The following SMARCC1 variants were observed in gnomAD, a reference collection of about 807,000 sequenced individuals.
SMARCC1 encodes the protein SWI/SNF related BAF chromatin remodeling complex subunit C1.
SMARCC1 carries 43 observed loss-of-function variants against 147.4 expected under a neutral mutation model. The observed-to-expected ratio is 0.29, with a 90% CI of 0.23 to 0.38. The LOEUF is 0.38. Ranked by LOEUF, SMARCC1 falls within the 10% of genes least tolerant of loss-of-function variation. The probability of loss-of-function intolerance (pLI) is 1.00; values close to 1 mark genes in which losing one functional copy is unlikely to be tolerated. For missense variants in SMARCC1, 1,119 were observed against 1,381.1 expected (o/e 0.81, Z 3.01); for synonymous variants, 495 against 484.4 (o/e 1.02, Z -0.29).
At chr3:47,777,791 G>A (rs2034993299) in intron 1 of SMARCC1, among the ~76,000 whole-genome samples, 1 of 151,972 alleles carries the variant, frequency 6.6e-6, no homozygotes, top group African/African-American at 2.4e-5. Context: ...GTCTCCCAAG[G>A]TGCTGGGATT....
At chr3:47,682,854 G>T (rs1010856092) in intron 14 of SMARCC1, among the ~76,000 whole-genome samples, 1 of 152,146 alleles carries the variant, frequency 6.6e-6, no homozygotes, top group Non-Finnish European at 1.5e-5. Context: ...GCAAAATTGT[G>T]AATGTTTAAA....
At chr3:47,618,479 T>C (rs771213568) in intron 25 of SMARCC1, among the ~76,000 whole-genome samples, 33 of 151,910 alleles carry the variant, frequency 2.2e-4, no homozygotes, top group African/African-American at 4.3e-4. Flanking sequence ...CCCCAGGAGT[T>C]TGTGGCTGCA....
intron 1 of SMARCC1, among the ~76,000 whole-genome samples, chr3:47,776,486 T>C (rs2034976767): frequency 6.6e-6 from 1 of 151,502 alleles, no homozygotes; most frequent in Non-Finnish European, 1.5e-5. Flanking sequence ...CACCTGTAAT[T>C]CCAGCTACTC....
At chr3:47,692,543 ATAT>A (rs2033802554) in intron 12 of SMARCC1, among the ~76,000 whole-genome samples, 1 of 152,338 alleles carries the variant, frequency 6.6e-6, no homozygotes, top group African/African-American at 2.4e-5. Context: ...TTATTCAATT[ATAT>A]TATTACCACC....
chr3:47,699,428 G>A (rs765509459), intron 11 of SMARCC1, among the ~76,000 whole-genome samples: 14 of 151,956 alleles, frequency 9.2e-5, no homozygotes, highest in Admixed American at 1.3e-4. Flanking sequence ...TTTAGCCTTC[G>A]ACCAGACAAC....
intron 10 of SMARCC1, among the ~76,000 whole-genome samples, chr3:47,702,566 G>A (rs1260436288): frequency 1.3e-5 from 2 of 152,084 alleles, no homozygotes; most frequent in African/African-American, 4.8e-5. Flanking sequence ...GACCAGCCTC[G>A]GAAACAGGGC....
chr3:47,635,989 C>T (rs900011226), intron 23 of SMARCC1, 33 bp downstream of exon 23: 1 of 1,022,814 alleles, frequency 9.8e-7, no homozygotes, highest in Non-Finnish European at 1.5e-6. Context: ...TACAGTTTTA[C>T]ATAATAATAT....
intron 26 of SMARCC1, among the ~76,000 whole-genome samples, chr3:47,609,784 G>A (rs983550742): frequency 2.0e-5 from 3 of 151,860 alleles, no homozygotes; most frequent in African/African-American, 4.8e-5. Flanking sequence ...TTTTTTTTAC[G>A]GTATCAATAA....
chr3:47,700,389 G>C (rs1198054888), intron 11 of SMARCC1, among the ~76,000 whole-genome samples: 1 of 152,100 alleles, frequency 6.6e-6, no homozygotes, highest in African/African-American at 2.4e-5. Flanking sequence ...GCCTATCATA[G>C]GTCTTTACTT....
rs775759680 is a variant in SMARCC1, at chr3:47,671,173, C to CAA, written c.1840-458_1840-457dup. ...CCTGGGCAACAGAGCGAGACTATCT[C>CAA]AAAAAAAAAAAAAAAAAAAAAAAAA... On this transcript the variant is annotated intron_variant, in intron 18 of 27. Transcript: ENST00000254480. Among the ~76,000 whole-genome samples, 186 of 29,206 alleles carry CAA rather than the reference C, an allele frequency of 6.4e-3. 10 individuals are homozygous for CAA. Among genetic ancestry groups the CAA allele is most frequent in the African/African-American group, 0.021 (126 of 6,080 alleles). 19.2% of individuals were successfully genotyped at this position (29,206 alleles called of 152,430 possible).
chr3:47,626,409 G>A (rs1315650705), intron 24 of SMARCC1, among the ~76,000 whole-genome samples: 5 of 144,204 alleles, frequency 3.5e-5, no homozygotes, highest in East Asian at 2.0e-4. Flanking sequence ...GCCTCCCAAA[G>A]TGATGGGATT....
intron 11 of SMARCC1, among the ~76,000 whole-genome samples, chr3:47,696,987 G>C (rs143080507): frequency 1.3e-5 from 2 of 152,168 alleles, no homozygotes; most frequent in East Asian, 3.9e-4. Context: ...GAATAGCTAG[G>C]ACTACAGGGA....
chr3:47,770,960 G>A lies in SMARCC1; in HGVS notation c.315+1857C>T, dbSNP rs185185946. 6.2e-3 allele frequency among the ~76,000 whole-genome samples: 937 copies of A among 151,956 alleles called. 5 individuals carry two copies. The highest frequency in any genetic ancestry group is 0.017 in the South Asian group (80 of 4,774). On this transcript the variant is annotated intron_variant, in intron 2 of 27. Transcript: ENST00000254480. Reference sequence around the variant, plus strand: ...GGAGTCTCACTCTGTCGCCCAGGCCGGAGGCAGTGGCGCAATCTCGGCTCA... The same window carrying A: ...GGAGTCTCACTCTGTCGCCCAGGCCAGAGGCAGTGGCGCAATCTCGGCTCA...
At chr3:47,737,955 G>C in intron 4 of SMARCC1, 74 bp downstream of exon 4, 1 of 1,066,528 alleles carries the variant, frequency 9.4e-7, no homozygotes, top group South Asian at 1.5e-5. Context: ...GAGCCACCGC[G>C]CCTGGCCAGC....
At chr3:47,618,345 C>T (rs2032675841) in intron 25 of SMARCC1, among the ~76,000 whole-genome samples, 1 of 151,322 alleles carries the variant, frequency 6.6e-6, no homozygotes, top group African/African-American at 2.4e-5. Context: ...AGTTTGAGAC[C>T]AGCCTGGGCA....
intron 2 of SMARCC1, among the ~76,000 whole-genome samples, chr3:47,769,210 CAAA>C (rs1553692338): frequency 5.1e-4 from 17 of 33,100 alleles, no homozygotes; most frequent in Non-Finnish European, 8.4e-4. Flanking sequence ...GACTCCGTCT[CAAA>C]AAAAAAAAAA....
At chr3:47,754,024 T>C (rs2034659876) in intron 2 of SMARCC1, among the ~76,000 whole-genome samples, 1 of 152,312 alleles carries the variant, frequency 6.6e-6, no homozygotes, top group Admixed American at 6.5e-5. Context: ...CATTTACTTA[T>C]CTATTAAACT....
In SMARCC1 at chr3:47,680,480, G is replaced by A. The variant is rs1418072354; in HGVS notation, c.1414C>T (p.Pro472Ser). Residue 472 changes from proline to serine, a missense_variant, in exon 15 of 28, where the codon CCT becomes TCT. Physicochemically the swap from Pro to Ser is moderately conservative, Grantham distance 74. Transcript: ENST00000254480. Reference protein sequence around the residue: ...CIHVIERRALPEFFNGKNKSK... With the variant: ...CIHVIERRALSEFFNGKNKSK... ...TTGTTTTTTCCATTGAAGAACTCAG[G>A]AAGAGCACGCCGTTCAATCACATGA... is the stretch of plus-strand genomic sequence containing the variant. 1 of 1,605,788 alleles carries A rather than the reference G, an allele frequency of 6.2e-7. No homozygotes were observed. The highest frequency in any genetic ancestry group is 1.1e-5 in the South Asian group (1 of 90,832).
rs1198171917 is a variant in SMARCC1, at chr3:47,772,810, T to A, written c.315+7A>T. On this transcript the variant is annotated splice_region_variant and intron_variant, in intron 2 of 27. Transcript: ENST00000254480. The stretch of plus-strand genomic sequence containing the variant: ...ATGCCCAAATAACAGTAAGCTGATG[T>A]ACTTACAGGGAGTTTGGTGAAGGCC... 1.2e-6 allele frequency: 2 copies of A among 1,609,634 alleles called. No homozygotes were observed.
Sources: gnomAD v4.1 joint callset for allele counts (sites outside exome capture counted in the v4.1 genomes callset) on GRCh38, gnomAD v4.1.1 for gene constraint, MANE v1.5 for transcripts, NCBI Gene and HGNC (gene_info 2026-07-23, HGNC 2026-07-21) for gene names.